TTLL11: variants seen among roughly 807,000 people sequenced by gnomAD.
TTLL11 encodes tubulin tyrosine ligase like 11, also known as tubulin polyglutamylase TTLL11.
TTLL11 carries 42 observed loss-of-function variants against 51.7 expected under a neutral mutation model. The ratio of observed to expected loss-of-function variants is 0.81; its 90% confidence interval spans 0.64 to 1.05. The LOEUF is 1.05. TTLL11 is among the 50% of genes least tolerant of loss of function. The probability of loss-of-function intolerance (pLI) is 0.00; values close to 1 mark genes in which losing one functional copy is unlikely to be tolerated. For synonymous variants in TTLL11, 381 were observed against 383.5 expected (o/e 0.99, Z 0.08); for missense variants, 799 against 940.4 (o/e 0.85, Z 1.97).
rs1370523993 is a variant in TTLL11 at position 121,820,107 on chromosome 9, C to T, written c.*2480G>A. On this transcript the variant is annotated 3_prime_UTR_variant, in exon 9 of 9. Coordinates refer to ENST00000321582, the MANE Select transcript of TTLL11 (RefSeq NM_001139442.2). ...AGAGGGGCCATGGTGGGCGGAGCAGCCCGCCTCCAGATGATGGCATGGGGT... is the reference window on the plus strand; with the variant it reads ...AGAGGGGCCATGGTGGGCGGAGCAGTCCGCCTCCAGATGATGGCATGGGGT... 6.6e-6 allele frequency among the ~76,000 whole-genome samples: 1 copy of T among 152,224 alleles called. No individual in the cohort carries two copies. The highest frequency in any genetic ancestry group is 2.4e-5 in the African/African-American group (1 of 41,462).
chr9:121,864,213 T>C (rs1336277386), intron 7 of TTLL11, among the ~76,000 whole-genome samples: 1 of 152,218 alleles, frequency 6.6e-6, no homozygotes, highest in Admixed American at 6.5e-5. Flanking sequence ...ATTCTGGGCT[T>C]GGACAGCAAT....
rs545452984 is a variant in TTLL11, at chr9:122,019,271, G to A, written c.693+12452C>T. ...TCATTTCTCCTCCTTCCCAATCTACGCTATCCTCTCCAACAGATCACCTTT... is the reference window on the plus strand; with the variant it reads ...TCATTTCTCCTCCTTCCCAATCTACACTATCCTCTCCAACAGATCACCTTT... On this transcript the variant is annotated intron_variant, in intron 3 of 8. Coordinates refer to ENST00000321582, the MANE Select transcript of TTLL11 (RefSeq NM_001139442.2). Among the ~76,000 whole-genome samples, 47 of 151,946 alleles carry A rather than the reference G, an allele frequency of 3.1e-4. 1 individual carries two copies. Among genetic ancestry groups the A allele is most frequent in the African/African-American group, 1.1e-3 (44 of 41,434 alleles).
rs71508142 is a variant in TTLL11 at position 121,873,831 on chromosome 9, C to CTTTTTTT, written c.1482-3090_1482-3084dup. Among the ~76,000 whole-genome samples the CTTTTTTT allele has an allele frequency of 1.9e-4, 15 of 77,396 alleles. 2 individuals carry two copies. Among genetic ancestry groups the CTTTTTTT allele is most frequent in the African/African-American group, 2.9e-4 (5 of 16,978 alleles). 50.8% of individuals were successfully genotyped at this position (77,396 alleles called of 152,430 possible). A position where few individuals can be genotyped will look rare whatever the true frequency, so the allele number is the denominator to read the frequency against. ...CAGGTGTGCACCACCATTAGCCTGA[C>CTTTTTTT]TTTTTTTTTTTTTTTTTTTTTTTGA... On this transcript the variant is annotated intron_variant, in intron 6 of 8. Coordinates refer to ENST00000321582, the MANE Select transcript of TTLL11 (RefSeq NM_001139442.2).
At chr9:121,894,084 A>G (rs1302027888) in intron 6 of TTLL11, among the ~76,000 whole-genome samples, 1 of 152,164 alleles carries the variant, frequency 6.6e-6, no homozygotes. Context: ...GTTGGTACCA[A>G]GCAGATAAAC....
chr9:121,922,512 C>A (rs761661302), intron 6 of TTLL11, among the ~76,000 whole-genome samples: 27 of 152,292 alleles, frequency 1.8e-4, no homozygotes, highest in Non-Finnish European at 3.2e-4. Flanking sequence ...ACATAAAACA[C>A]CCAGTGACAC....
At chr9:121,901,023 C>A (rs567092493) in intron 6 of TTLL11, among the ~76,000 whole-genome samples, 3 of 152,172 alleles carry the variant, frequency 2.0e-5, no homozygotes, top group Non-Finnish European at 2.9e-5. Flanking sequence ...GATCCTCCCA[C>A]CTTAGCCTCC....
At chr9:121,902,233 C>T (rs531795166) in intron 6 of TTLL11, among the ~76,000 whole-genome samples, 13 of 152,148 alleles carry the variant, frequency 8.5e-5, no homozygotes, top group Admixed American at 2.0e-4. Context: ...ATAGATCCTC[C>T]GTATTTGTTA....
intron 4 of TTLL11, among the ~76,000 whole-genome samples, chr9:121,985,508 C>CTTTTTT (rs766262272): frequency 5.4e-4 from 71 of 131,294 alleles, no homozygotes; most frequent in Middle Eastern, 4.1e-3. Flanking sequence ...ATACCATTTT[C>CTTTTTT]TTTTCTTTTT....
At chr9:121,949,694 G>T (rs938912327) in intron 6 of TTLL11, among the ~76,000 whole-genome samples, 4 of 151,998 alleles carry the variant, frequency 2.6e-5, no homozygotes, top group Admixed American at 6.5e-5. Flanking sequence ...CCATCAGTCT[G>T]CCCAGTGGCA....
At chr9:121,892,490 T>C (rs751961149) in intron 6 of TTLL11, among the ~76,000 whole-genome samples, 80 of 152,118 alleles carry the variant, frequency 5.3e-4, no homozygotes, top group Admixed American at 1.9e-3. Flanking sequence ...GTGAAACTTA[T>C]TCACTACCAC....
chr9:122,001,524 AG>A (rs1188956606), intron 3 of TTLL11, among the ~76,000 whole-genome samples: 1 of 10,664 alleles, frequency 9.4e-5, no homozygotes, highest in African/African-American at 3.8e-4. Context: ...TGAAGGGGGA[AG>A]GGGGGGCGGG....
chr9:122,084,939 G>A (rs911035269), intron 1 of TTLL11, among the ~76,000 whole-genome samples: 10 of 152,124 alleles, frequency 6.6e-5, no homozygotes, highest in East Asian at 1.9e-4. Flanking sequence ...CGAGTTTCCC[G>A]TGGCGATGTA....
chr9:121,974,170 G>C, intron 5 of TTLL11, 46 bp from the exon 6 acceptor site: 1 of 1,431,560 alleles, frequency 7.0e-7, no homozygotes, highest in Non-Finnish European at 9.6e-7. Flanking sequence ...CCGTGATTCC[G>C]TGCCAAGTGG....
At chr9:121,950,822 G>A (rs752493622) in intron 6 of TTLL11, among the ~76,000 whole-genome samples, 54 of 152,272 alleles carry the variant, frequency 3.5e-4, no homozygotes, top group Middle Eastern at 3.4e-3. Flanking sequence ...GGGATGAACC[G>A]AACCTGGCTC....
chr9:122,077,476 A>G (rs908882194), intron 1 of TTLL11, among the ~76,000 whole-genome samples: 20 of 152,204 alleles, frequency 1.3e-4, no homozygotes, highest in African/African-American at 4.8e-4. Context: ...AAGAATAAAA[A>G]TAGAATATGT....
chr9:121,898,662 C>T (rs1484293596), intron 6 of TTLL11, among the ~76,000 whole-genome samples: 1 of 152,222 alleles, frequency 6.6e-6, no homozygotes, highest in Non-Finnish European at 1.5e-5. Flanking sequence ...GCTCCCTGGG[C>T]ATGGCACTTA....
intron 8 of TTLL11, among the ~76,000 whole-genome samples, chr9:121,832,941 A>G (rs1418839093): frequency 6.6e-6 from 1 of 152,198 alleles, no homozygotes; most frequent in East Asian, 1.9e-4. Context: ...TTCCATCTCA[A>G]ACAAAACAAA....
chr9:122,017,426 CA>C (rs1377584270), intron 3 of TTLL11, among the ~76,000 whole-genome samples: 1 of 148,914 alleles, frequency 6.7e-6, no homozygotes, highest in African/African-American at 2.5e-5. Context: ...TTTGTTGAAC[CA>C]AAAAATATGA....
intron 2 of TTLL11, among the ~76,000 whole-genome samples, chr9:122,034,755 C>A (rs749789150): frequency 6.6e-6 from 1 of 152,178 alleles, no homozygotes; most frequent in African/African-American, 2.4e-5. Context: ...CCAGGGCACG[C>A]GTTCCCAGAG....
Sources: gnomAD v4.1 joint callset for allele counts (sites outside exome capture counted in the v4.1 genomes callset) on GRCh38, gnomAD v4.1.1 for gene constraint, MANE v1.5 for transcripts, NCBI Gene and HGNC (gene_info 2026-07-23, HGNC 2026-07-21) for gene names.